Variants in CCDC93 observed in about 807,000 individuals in gnomAD.
The protein encoded by CCDC93 is coiled-coil domain-containing protein 93.
CCDC93 carries 61 observed loss-of-function variants against 108.2 expected under a neutral mutation model. The observed-to-expected ratio is 0.56, with a 90% CI of 0.46 to 0.70. CCDC93 has a LOEUF of 0.70. Among genes scored for constraint, CCDC93 ranks in the 30% least tolerant of loss-of-function variants. CCDC93 has a pLI of 0.00. For synonymous variants in CCDC93, 276 were observed against 260.4 expected, an observed-to-expected ratio of 1.06 and a Z score of -0.58; for missense variants, 685 against 764.2, an observed-to-expected ratio of 0.90 and a Z score of 1.22.
intron 11 of CCDC93, among the ~76,000 whole-genome samples, chr2:117,966,391 G>A (rs1453118079): frequency 6.6e-6 from 1 of 152,226 alleles, no homozygotes; most frequent in East Asian, 1.9e-4. Flanking sequence ...ACAAAGTGAA[G>A]CAAGGGTAAA....
At chr2:117,974,040 C>T in intron 10 of CCDC93, 46 bp from the exon 11 acceptor site, 1 of 1,263,382 alleles carries the variant, frequency 7.9e-7, no homozygotes, top group Non-Finnish European at 1.1e-6. Context: ...GCCTTGTCTT[C>T]CATAGCACTG....
chr2:117,980,101 C>A (rs1020486977), intron 7 of CCDC93, among the ~76,000 whole-genome samples: 1 of 152,132 alleles, frequency 6.6e-6, no homozygotes, highest in Admixed American at 6.5e-5. Flanking sequence ...CGCTATAGCA[C>A]CAGCTTCCCA....
At chr2:118,003,858 C>T (rs576297381) in intron 3 of CCDC93, among the ~76,000 whole-genome samples, 1 of 152,238 alleles carries the variant, frequency 6.6e-6, no homozygotes, top group South Asian at 2.1e-4. Context: ...GTGAGAAAGA[C>T]TTCTTCCAGA....
In CCDC93 at chr2:117,926,232, T is replaced by A. The variant is rs1573458792; in HGVS notation, c.1842+4805A>T. ...AACTAGAGAAGCAAGAGCAAACACATTCAAAAGCTAGCAGAAGGCAAGAAA... is the reference window on the plus strand; with the variant it reads ...AACTAGAGAAGCAAGAGCAAACACAATCAAAAGCTAGCAGAAGGCAAGAAA... On this transcript the variant is annotated intron_variant, in intron 23 of 23. Transcript: ENST00000376300. Among the ~76,000 whole-genome samples the A allele has an allele frequency of 2.6e-5, 4 of 152,120 alleles. No homozygotes were observed. In the Middle Eastern group the frequency reaches 0.01, roughly 388 times the overall value.
chr2:117,971,961 T>A (rs114719023), intron 11 of CCDC93, among the ~76,000 whole-genome samples: 1 of 152,214 alleles, frequency 6.6e-6, no homozygotes, highest in Admixed American at 6.5e-5. Context: ...CGCTTCTCCA[T>A]TGGAAGTTTA....
intron 12 of CCDC93, among the ~76,000 whole-genome samples, chr2:117,954,206 C>T (rs1353352013): frequency 6.6e-6 from 1 of 152,148 alleles, no homozygotes; most frequent in Admixed American, 6.5e-5. Flanking sequence ...CAATGCTCTG[C>T]TCAAATGAGG....
chr2:117,998,988 G>C (rs1680752672), intron 4 of CCDC93: 1 of 152,226 alleles, frequency 6.6e-6, no homozygotes, highest in Non-Finnish European at 1.5e-5. Context: ...CAGAGGGGAA[G>C]ACTCAACACA....
chr2:117,961,627 A>G (rs1679396026), intron 11 of CCDC93, among the ~76,000 whole-genome samples: 1 of 152,232 alleles, frequency 6.6e-6, no homozygotes, highest in South Asian at 2.1e-4. Context: ...AAGAGAACTC[A>G]GACTGATGAA....
chr2:117,986,904 A>T (rs1034831504), intron 6 of CCDC93, among the ~76,000 whole-genome samples: 2 of 152,116 alleles, frequency 1.3e-5, no homozygotes, highest in African/African-American at 4.8e-5. Flanking sequence ...ATCAACCTAC[A>T]TGGTGTCAGT....
chr2:117,969,401 G>T (rs2104773659), intron 11 of CCDC93, among the ~76,000 whole-genome samples: 1 of 152,324 alleles, frequency 6.6e-6, no homozygotes, highest in South Asian at 2.1e-4. Context: ...AGCCTTGTAA[G>T]ACTCACAGAG....
At chr2:118,013,074 C>G (rs1269604413) in intron 1 of CCDC93, 2 of 152,184 alleles carry the variant, frequency 1.3e-5, no homozygotes, top group Admixed American at 6.5e-5. Flanking sequence ...ACTAGACTAG[C>G]CTTTGAGTAA....
At chr2:117,944,226 A>G (rs1678797835) in intron 17 of CCDC93, 140 bp from the exon 18 acceptor site, 1 of 578,106 alleles carries the variant, frequency 1.7e-6, no homozygotes, top group Non-Finnish European at 3.0e-6. Context: ...GCCCAAGTTT[A>G]CTGTCTGGGT....
At chr2:117,971,177 A>T (rs1679747823) in intron 11 of CCDC93, among the ~76,000 whole-genome samples, 1 of 152,242 alleles carries the variant, frequency 6.6e-6, no homozygotes. Flanking sequence ...AGCCTAGGCA[A>T]CATGACAAAA....
intron 7 of CCDC93, among the ~76,000 whole-genome samples, chr2:117,982,762 G>C (rs1362704340): frequency 6.6e-6 from 1 of 151,942 alleles, no homozygotes; most frequent in Non-Finnish European, 1.5e-5. Context: ...TAGTGGGGGG[G>C]GGGGTGCGTG....
chr2:118,011,527 A>G (rs536683617), intron 1 of CCDC93, among the ~76,000 whole-genome samples: 1 of 152,380 alleles, frequency 6.6e-6, no homozygotes, highest in Admixed American at 6.5e-5. Flanking sequence ...CTAAGAAAAG[A>G]GAAGCTAAAG....
At chr2:117,929,050 A>G (rs551319581) in intron 23 of CCDC93, among the ~76,000 whole-genome samples, 1 of 151,826 alleles carries the variant, frequency 6.6e-6, no homozygotes, top group Non-Finnish European at 1.5e-5. Context: ...CATAGTTGGG[A>G]ATTGAACAAT....
chr2:118,007,589 C>G (rs1676912202), intron 2 of CCDC93, among the ~76,000 whole-genome samples: 1 of 152,146 alleles, frequency 6.6e-6, no homozygotes, highest in African/African-American at 2.4e-5. Context: ...GAATCACTTG[C>G]ATCCCGGAGG....
At chr2:117,949,480 G>A (rs1482379148) in intron 13 of CCDC93, 85 bp from the exon 14 acceptor site, 3 of 974,046 alleles carry the variant, frequency 3.1e-6, no homozygotes, top group East Asian at 2.4e-5. Flanking sequence ...GGCAGATAAT[G>A]ACACTTTTTA....
intron 7 of CCDC93, among the ~76,000 whole-genome samples, chr2:117,979,103 C>G (rs1434541060): frequency 6.6e-6 from 1 of 152,126 alleles, no homozygotes; most frequent in Non-Finnish European, 1.5e-5. Flanking sequence ...TCCAGCTTCA[C>G]TCCCCACACT....
Sources: gnomAD v4.1 joint callset for allele counts (sites outside exome capture counted in the v4.1 genomes callset) on GRCh38, gnomAD v4.1.1 for gene constraint, MANE v1.5 for transcripts, NCBI Gene and HGNC (gene_info 2026-07-23, HGNC 2026-07-21) for gene names.